Variants in ZNF558 observed in about 807,000 individuals in gnomAD.
ZNF558 encodes the protein zinc finger protein 558.
ZNF558 carries 23 observed loss-of-function variants against 37.6 expected under a neutral mutation model. That is an observed-to-expected ratio of 0.61 (90% CI 0.44 to 0.87). The LOEUF (loss-of-function observed/expected upper bound fraction) is 0.87. Ranked by LOEUF, ZNF558 falls within the 40% of genes least tolerant of loss-of-function variation. The pLI is 0.00. For missense variants in ZNF558, 429 were observed against 483.7 expected, an observed-to-expected ratio of 0.89 and a Z score of 1.06; for synonymous variants, 189 against 174.4, an observed-to-expected ratio of 1.08 and a Z score of -0.66.
chr19:8,822,552 C>A lies in ZNF558; in HGVS notation c.31+77G>T. 2.5e-6 allele frequency: 4 copies of A among 1,604,846 alleles called. No homozygotes were observed. The highest frequency in any genetic ancestry group is 1.7e-6 in the Non-Finnish European group (2 of 1,172,482). On this transcript the variant is annotated intron_variant, in intron 5 of 9. Coordinates refer to ENST00000601372, the MANE Select transcript of ZNF558 (RefSeq NM_144693.3). The surrounding 1 kb of genome is among the most constrained non-coding windows in gnomAD (Gnocchi z 4.4). Reference sequence around the variant, plus strand: ...CTCCTGCCTCACCTGCTCTGCCCAACCCCGCTCGTGTCCCATGCTGTGGGT... The same window carrying A: ...CTCCTGCCTCACCTGCTCTGCCCAAACCCGCTCGTGTCCCATGCTGTGGGT...
At position 8,811,898 on chromosome 19, in the gene ZNF558, G is replaced by A; in HGVS notation, c.592C>T (p.His198Tyr). The A allele has an allele frequency of 6.2e-7, 1 of 1,614,106 alleles. No individual in the cohort carries two copies. Among genetic ancestry groups the A allele is most frequent in the Non-Finnish European group, 8.5e-7 (1 of 1,180,030 alleles). ...SFSSRSYLTI[H>Y]KRIHNGEKPY... ...TTCTCCCCATTATGGATTCTCTTAT[G>A]AATAGTAAGGTAAGATCTGCTACTG... Residue 198 changes from histidine to tyrosine, a missense_variant, in exon 10 of 10, where the codon CAT becomes TAT. Transcript: ENST00000601372.
chr19:8,812,591 G>A lies in ZNF558; in HGVS notation c.396C>T (p.Phe132=). Reference sequence around the variant, plus strand: ...TTACACCTTTAGACTGTTCTTTTCTGAAAACATTCTTCTTAGGAGTTAACC... The same window carrying A: ...TTACACCTTTAGACTGTTCTTTTCTAAAAACATTCTTCTTAGGAGTTAACC... The part of the protein sequence containing the change: ...AKWLTPKKNV[F]RKEQSKGVKT... The change falls in exon 9 of 10, where the codon TTC becomes TTT. Residue 132 remains phenylalanine, a synonymous_variant. Coordinates refer to ENST00000601372, the MANE Select transcript of ZNF558 (RefSeq NM_144693.3). The A allele has an allele frequency of 1.2e-6, 2 of 1,603,608 alleles. No homozygotes were observed. Among genetic ancestry groups the A allele is most frequent in the Admixed American group, 1.8e-5 (1 of 56,812 alleles).
Position 8,809,103 on chromosome 19 carries a change from G to A in ZNF558, c.*2178C>T, listed in dbSNP as rs1487877250. 1 of 152,210 alleles carries A rather than the reference G, an allele frequency of 6.6e-6. No homozygotes were observed. The highest frequency in any genetic ancestry group is 1.5e-5 in the Non-Finnish European group (1 of 68,046). 9.4% of individuals were successfully genotyped at this position (152,210 alleles called of 1,614,324 possible). A position where few individuals can be genotyped will look rare whatever the true frequency, so the allele number is the denominator to read the frequency against. The stretch of plus-strand genomic sequence containing the variant: ...CTAGGGGTTTCTTTTAGTCACATAA[G>A]AAGTATAAGAATAAGGAGTCCAGAG... On this transcript the variant is annotated 3_prime_UTR_variant, in exon 10 of 10. Coordinates refer to ENST00000601372, the MANE Select transcript of ZNF558 (RefSeq NM_144693.3).
chr19:8,822,555 C>T lies in ZNF558; in HGVS notation c.31+74G>A, dbSNP rs1405767287. ...CTGCCTCACCTGCTCTGCCCAACCC[C>T]GCTCGTGTCCCATGCTGTGGGTCAG... On this transcript the variant is annotated intron_variant, in intron 5 of 9. Transcript: ENST00000601372. The surrounding 1 kb of genome is among the most constrained non-coding windows in gnomAD (Gnocchi z 4.4). The T allele has an allele frequency of 4.8e-5, 77 of 1,605,564 alleles. No individual in the cohort carries two copies. The highest frequency in any genetic ancestry group is 5.5e-5 in the Non-Finnish European group (65 of 1,173,150).
upstream of ZNF558, among the ~76,000 whole-genome samples, chr19:8,835,457 TAATATC>T (rs2145341052): frequency 6.6e-6 from 1 of 152,296 alleles, no homozygotes; most frequent in East Asian, 1.9e-4. Context: ...TTAGGGAAGT[TAATATC>T]AAAACTTCAA....
rs34246032 is a variant in ZNF558, at chr19:8,806,697, CAA to C, written c.*4582_*4583del. 3.0e-5 allele frequency: 4 copies of C among 133,852 alleles called. No homozygotes were observed. The highest frequency in any genetic ancestry group is 1.6e-5 in the Non-Finnish European group (1 of 63,524). 8.3% of individuals were successfully genotyped at this position (133,852 alleles called of 1,614,324 possible). A position where few individuals can be genotyped will look rare whatever the true frequency, so the allele number is the denominator to read the frequency against. On this transcript the variant is annotated 3_prime_UTR_variant, in exon 10 of 10. Coordinates refer to ENST00000601372, the MANE Select transcript of ZNF558 (RefSeq NM_144693.3). ...ATGGCGACAGAGTGAGACTCCATCT[CAA>C]AAAAAAAAAAAAAAATATTCCCTCC...
chr19:8,806,931 GTTGT>G lies in ZNF558; in HGVS notation c.*4346_*4349del, dbSNP rs1568456407. The G allele has an allele frequency of 6.6e-6, 1 of 151,966 alleles. No homozygotes were observed. Among genetic ancestry groups the G allele is most frequent in the Non-Finnish European group, 1.5e-5 (1 of 68,012 alleles). 9.4% of individuals were successfully genotyped at this position (151,966 alleles called of 1,614,324 possible). On this transcript the variant is annotated 3_prime_UTR_variant, in exon 10 of 10. Coordinates refer to ENST00000601372, the MANE Select transcript of ZNF558 (RefSeq NM_144693.3). ...GAAAGCAATGTGTCCTTCTTCTTTG[GTTGT>G]TTGGTAGATTTGCAGTTTGTCTCTC...
rs757567316 is a variant in ZNF558 at position 8,822,065 on chromosome 19, G to A, written c.58C>T (p.Gln20Ter). The A allele has an allele frequency of 6.2e-7, 1 of 1,614,096 alleles. No individual in the cohort carries two copies. Among genetic ancestry groups the A allele is most frequent in the Non-Finnish European group, 8.5e-7 (1 of 1,179,972 alleles). Residue 20 changes from glutamine to a stop codon, truncating the protein, a stop_gained, in exon 6 of 10, where the codon CAG (glutamine) becomes TAG (stop). Transcript: ENST00000601372. LOFTEE classifies it high-confidence loss of function. The surrounding 1 kb of genome is among the most constrained non-coding windows in gnomAD (Gnocchi z 4.4). The stretch of plus-strand genomic sequence containing the variant: ...CCGCCCTGTGTGTGTCCTTTTTGCT[G>A]AGAGGCTGGGAACAGGGAAGACGGA... ...AAPSSLFPASQQKGHTQGGEL... is the reference protein window; with the variant it reads ...AAPSSLFPAS
chr19:8,812,732 G>A, intron 8 of ZNF558, 89 bp from the exon 9 acceptor site: 2 of 734,132 alleles, frequency 2.7e-6, no homozygotes, highest in South Asian at 2.4e-5. Context: ...GAGGGATCAG[G>A]GTTTTTGAGG....
intron 7 of ZNF558, 106 bp downstream of exon 7, chr19:8,821,074 T>C: frequency 6.8e-7 from 1 of 1,477,792 alleles, no homozygotes; most frequent in Non-Finnish European, 9.0e-7. Flanking sequence ...TTAAAAATGG[T>C]GAATTTTATG....
In ZNF558 at chr19:8,822,207, C is replaced by T. The variant is rs2044112009; in HGVS notation, c.32-116G>A. ...CACGGATGAGGCACCACACAGTGCC[C>T]ACCTACGCTCCATGCAAACACCTAC... On this transcript the variant is annotated intron_variant, in intron 5 of 9. Transcript: ENST00000601372. The surrounding 1 kb of genome is among the most constrained non-coding windows in gnomAD (Gnocchi z 4.4). The T allele has an allele frequency of 1.6e-6, 2 of 1,233,138 alleles. No homozygotes were observed. The highest frequency in any genetic ancestry group is 2.3e-6 in the Non-Finnish European group (2 of 876,620). 76.4% of individuals were successfully genotyped at this position (1,233,138 alleles called of 1,614,324 possible). A position where few individuals can be genotyped will look rare whatever the true frequency, so the allele number is the denominator to read the frequency against.
At chr19:8,828,382 G>C (rs952107330) in intron 2 of ZNF558, among the ~76,000 whole-genome samples, 3 of 152,184 alleles carry the variant, frequency 2.0e-5, no homozygotes, top group Non-Finnish European at 4.4e-5. Context: ...AGCGGGACAT[G>C]AAGGCTGAGC....
intron 7 of ZNF558, among the ~76,000 whole-genome samples, chr19:8,820,958 G>C (rs1013509537): frequency 6.6e-6 from 1 of 152,136 alleles, no homozygotes; most frequent in Non-Finnish European, 1.5e-5. Context: ...TCATAGGGAC[G>C]GGGTTTCCTT....
intron 7 of ZNF558, among the ~76,000 whole-genome samples, chr19:8,816,055 A>AACACAC (rs112370625): frequency 3.3e-5 from 5 of 150,206 alleles, no homozygotes; most frequent in African/African-American, 1.2e-4. Flanking sequence ...TTCATACTGA[A>AACACAC]ACACACACAC....
rs145744383 is a variant in ZNF558, at chr19:8,815,797, AAGAGAGAGAG to A, written c.248-2585_248-2576del. ...TGAGTGAGAACCTGTCTCAAAGATA[AAGAGAGAGAG>A]AGAGAGAGAGAGAATGTGAGTTTTA... On this transcript the variant is annotated intron_variant, in intron 7 of 9. Coordinates refer to ENST00000601372, the MANE Select transcript of ZNF558 (RefSeq NM_144693.3). 5.4e-3 allele frequency among the ~76,000 whole-genome samples: 800 copies of A among 148,128 alleles called. 6 individuals carry two copies. The highest frequency in any genetic ancestry group is 0.018 in the African/African-American group (744 of 40,438).
chr19:8,812,209 C>T, intron 9 of ZNF558, 146 bp from the exon 10 acceptor site: 2 of 763,280 alleles, frequency 2.6e-6, no homozygotes, highest in South Asian at 5.2e-5. Flanking sequence ...TGATTTCTGC[C>T]CAGTTTTAGC....
rs1457181608 is a variant in ZNF558 at position 8,809,557 on chromosome 19, T to G, written c.*1724A>C. ...TAAAGCTCATGTACTCTGCCAAAAA[T>G]ACCACTACATTAGAAAAATGTGTTT... On this transcript the variant is annotated 3_prime_UTR_variant, in exon 10 of 10. Transcript: ENST00000601372. The G allele has an allele frequency of 6.6e-6, 1 of 152,070 alleles. No individual in the cohort carries two copies. The highest frequency in any genetic ancestry group is 2.4e-5 in the African/African-American group (1 of 41,338). 9.4% of individuals were successfully genotyped at this position (152,070 alleles called of 1,614,324 possible).
In ZNF558 at chr19:8,810,296, A is replaced by C. The variant is rs1555767273; in HGVS notation, c.*985T>G. On this transcript the variant is annotated 3_prime_UTR_variant, in exon 10 of 10. Coordinates refer to ENST00000601372, the MANE Select transcript of ZNF558 (RefSeq NM_144693.3). The stretch of plus-strand genomic sequence containing the variant: ...CACTATAGTTTGCTCAGTAATGTGA[A>C]CACTTTTGCTGTAGGGTATTCCGCA... The C allele has an allele frequency of 6.6e-6, 1 of 152,214 alleles. No homozygotes were observed. The highest frequency in any genetic ancestry group is 1.5e-5 in the Non-Finnish European group (1 of 68,036). 9.4% of individuals were successfully genotyped at this position (152,214 alleles called of 1,614,324 possible).
chr19:8,837,794 G>T, the ZNF558 span, among the ~76,000 whole-genome samples: 1 of 152,116 alleles, frequency 6.6e-6, no homozygotes, highest in East Asian at 1.9e-4. Flanking sequence ...ACCAGATGAC[G>T]CATAAAATAA....
Sources: gnomAD v4.1 joint callset for allele counts (sites outside exome capture counted in the v4.1 genomes callset) on GRCh38, gnomAD v4.1.1 for gene constraint, Gnocchi (gnomAD v3.1) non-coding constraint, MANE v1.5 for transcripts, NCBI Gene and HGNC (gene_info 2026-07-23, HGNC 2026-07-21) for gene names.